GPR176: variants seen among roughly 807,000 people sequenced by gnomAD.
The protein encoded by GPR176 is G protein-coupled receptor 176.
In GPR176, 26 loss-of-function variants were observed where a neutral mutation model predicts 35.4. That is an observed-to-expected ratio of 0.74 (90% CI 0.54 to 1.02). The LOEUF is 1.02. GPR176 is among the 50% of genes least tolerant of loss of function. The pLI is 0.00. For synonymous variants in GPR176, 278 were observed against 271.3 expected (o/e 1.02, Z -0.24); for missense variants, 597 against 665.3 (o/e 0.90, Z 1.13).
intron 1 of GPR176, among the ~76,000 whole-genome samples, chr15:39,888,233 T>C (rs2032740197): frequency 6.6e-6 from 1 of 152,092 alleles, no homozygotes; most frequent in African/African-American, 2.4e-5. Flanking sequence ...ACTTCTTGCT[T>C]TTCTCTTGTT....
At chr15:39,802,929 C>T (rs544468665) in intron 2 of GPR176, among the ~76,000 whole-genome samples, 28 of 152,312 alleles carry the variant, frequency 1.8e-4, no homozygotes, top group African/African-American at 6.7e-4. Context: ...ATTAATAGGT[C>T]TAAAATGCCT....
At chr15:39,910,182 T>C (rs1317343343) in intron 1 of GPR176, among the ~76,000 whole-genome samples, 2 of 152,236 alleles carry the variant, frequency 1.3e-5, no homozygotes, top group Non-Finnish European at 2.9e-5. Context: ...TGGTATATGT[T>C]GTAAACTATA....
intron 1 of GPR176, among the ~76,000 whole-genome samples, chr15:39,901,478 A>C (rs1052554027): frequency 6.6e-6 from 1 of 152,196 alleles, no homozygotes; most frequent in African/African-American, 2.4e-5. Flanking sequence ...GACTGGTACC[A>C]ATAACCCCAA....
intron 1 of GPR176, among the ~76,000 whole-genome samples, chr15:39,851,222 T>G (rs982693309): frequency 6.6e-6 from 1 of 152,144 alleles, no homozygotes; most frequent in Non-Finnish European, 1.5e-5. Flanking sequence ...AAAATTTGGA[T>G]GTAACTCATT....
At chr15:39,839,569 C>T (rs1258698944) in intron 1 of GPR176, among the ~76,000 whole-genome samples, 1 of 152,150 alleles carries the variant, frequency 6.6e-6, no homozygotes, top group Non-Finnish European at 1.5e-5. Flanking sequence ...TAGGCATGGG[C>T]AAGGACTTCA....
chr15:39,897,552 T>C (rs142171897), intron 1 of GPR176, among the ~76,000 whole-genome samples: 5 of 151,402 alleles, frequency 3.3e-5, no homozygotes, highest in African/African-American at 9.7e-5. Context: ...ATGCAGCTGA[T>C]AGCAAATTGC....
intron 1 of GPR176, among the ~76,000 whole-genome samples, chr15:39,854,154 G>C (rs2031053692): frequency 6.6e-6 from 1 of 152,032 alleles, no homozygotes; most frequent in African/African-American, 2.4e-5. Context: ...GCACTGCCCA[G>C]AGCAAGACTT....
chr15:39,908,016 A>T (rs2033472186), intron 1 of GPR176, among the ~76,000 whole-genome samples: 1 of 152,174 alleles, frequency 6.6e-6, no homozygotes, highest in Admixed American at 6.5e-5. Flanking sequence ...TTTAAAAAAA[A>T]TAGATGTTTA....
chr15:39,897,601 T>TA (rs1217236990), intron 1 of GPR176, among the ~76,000 whole-genome samples: 65 of 134,058 alleles, frequency 4.8e-4, no homozygotes, highest in African/African-American at 1.9e-3. Context: ...ATCCAAATAT[T>TA]TTTTTTTTTT....
At chr15:39,833,069 G>T (rs1901192756) in intron 1 of GPR176, among the ~76,000 whole-genome samples, 1 of 152,128 alleles carries the variant, frequency 6.6e-6, no homozygotes, top group African/African-American at 2.4e-5. Flanking sequence ...CCAAGGACTA[G>T]GGAATGAACA....
chr15:39,808,135 C>T (rs185865132), intron 1 of GPR176, among the ~76,000 whole-genome samples: 2 of 152,198 alleles, frequency 1.3e-5, no homozygotes, highest in Non-Finnish European at 2.9e-5. Context: ...CCTCTCCCTA[C>T]GTTAGACTAC....
intron 1 of GPR176, among the ~76,000 whole-genome samples, chr15:39,840,838 AC>A (rs1167699818): frequency 1.3e-5 from 2 of 152,206 alleles, no homozygotes; most frequent in Non-Finnish European, 2.9e-5. Context: ...TTTAATATTT[AC>A]CAAGTATTTT....
rs777841556 is a variant in GPR176, at chr15:39,801,698, G to A, written c.982C>T (p.Arg328Cys). 2.9e-5 allele frequency: 47 copies of A among 1,613,410 alleles called. No individual in the cohort carries two copies. The highest frequency in any genetic ancestry group is 4.0e-5 in the Non-Finnish European group (47 of 1,179,562). ...VLFLTVNKSV[R>C]KCLIGTLVQL... ...ACCAGGGTCCCTATCAAGCACTTGCGGACAGATTTGTTCACAGTAAGAAAG... is the reference window on the plus strand; with the variant it reads ...ACCAGGGTCCCTATCAAGCACTTGCAGACAGATTTGTTCACAGTAAGAAAG... Residue 328 changes from arginine to cysteine, a missense_variant, in exon 3 of 3, where the codon CGC becomes TGC. Physicochemically the swap from Arg to Cys is radical, Grantham distance 180. Coordinates refer to ENST00000561100, the MANE Select transcript of GPR176 (RefSeq NM_007223.3).
At chr15:39,872,945 GTGTGTGTGTGTGTGTGTGTGTA>G (rs2032103730) in intron 1 of GPR176, among the ~76,000 whole-genome samples, 1 of 73,266 alleles carries the variant, frequency 1.4e-5, no homozygotes, top group Non-Finnish European at 2.8e-5. Context: ...GTGTGTGTGT[GTGTGTGTGTGTGTGTGTGTGTA>G]ATCATGAGAG....
At chr15:39,856,026 T>G (rs1309269484) in intron 1 of GPR176, among the ~76,000 whole-genome samples, 1 of 152,118 alleles carries the variant, frequency 6.6e-6, no homozygotes, top group Non-Finnish European at 1.5e-5. Context: ...TTGACCAATA[T>G]CACCTAGCTA....
intron 1 of GPR176, among the ~76,000 whole-genome samples, chr15:39,903,817 C>G (rs1465689271): frequency 6.6e-6 from 1 of 152,014 alleles, no homozygotes; most frequent in East Asian, 1.9e-4. Context: ...AATCCAGACC[C>G]CAAGAGAGGA....
intron 1 of GPR176, among the ~76,000 whole-genome samples, chr15:39,881,052 G>T (rs1178720333): frequency 6.6e-6 from 1 of 152,074 alleles, no homozygotes; most frequent in South Asian, 2.1e-4. Flanking sequence ...GTTCCATCTT[G>T]TGGGATCTAG....
At chr15:39,909,710 C>T (rs1410693291) in intron 1 of GPR176, among the ~76,000 whole-genome samples, 3 of 152,216 alleles carry the variant, frequency 2.0e-5, no homozygotes, top group African/African-American at 4.8e-5. Context: ...CTTTCCAATA[C>T]AAACAACTTT....
intron 1 of GPR176, among the ~76,000 whole-genome samples, chr15:39,912,405 C>A (rs570077133): frequency 1.4e-4 from 22 of 151,908 alleles, no homozygotes; most frequent in African/African-American, 5.3e-4. Context: ...TCACTTGAGC[C>A]CAGGAATTCC....
Sources: allele counts gnomAD v4.1 joint callset (sites outside exome capture counted in the v4.1 genomes callset), GRCh38; gene constraint gnomAD v4.1.1; transcripts MANE v1.5; gene names NCBI Gene and HGNC (gene_info 2026-07-23, HGNC 2026-07-21).